The following CACNA2D2 variants were observed in gnomAD, a reference collection of about 807,000 sequenced individuals.
The protein encoded by CACNA2D2 is calcium voltage-gated channel auxiliary subunit alpha2delta 2.
CACNA2D2 carries 48 observed loss-of-function variants against 166.4 expected under a neutral mutation model. That is an observed-to-expected ratio of 0.29 (90% CI 0.23 to 0.37). The LOEUF (loss-of-function observed/expected upper bound fraction) is 0.37. Among genes scored for constraint, CACNA2D2 ranks in the 10% least tolerant of loss-of-function variants. The pLI, the probability that CACNA2D2 is intolerant of heterozygous loss-of-function variation, is 1.00. For missense variants in CACNA2D2, 1,122 were observed against 1,433.0 expected (o/e 0.78, Z 3.50); for synonymous variants, 561 against 573.7 (o/e 0.98, Z 0.32).
intron 2 of CACNA2D2, among the ~76,000 whole-genome samples, chr3:50,448,457 A>T (rs1442445654): frequency 5.3e-5 from 8 of 152,116 alleles, no homozygotes; most frequent in Non-Finnish European, 1.5e-5. Flanking sequence ...GCACATAGGA[A>T]GCGTGATGGT....
At chr3:50,414,332 G>A (rs1419281922) in intron 3 of CACNA2D2, among the ~76,000 whole-genome samples, 1 of 152,110 alleles carries the variant, frequency 6.6e-6, no homozygotes, top group African/African-American at 2.4e-5. Flanking sequence ...CACACAGGGA[G>A]AAAACCACTG....
intron 3 of CACNA2D2, among the ~76,000 whole-genome samples, chr3:50,410,358 G>A (rs1307174849): frequency 2.0e-5 from 3 of 152,236 alleles, no homozygotes; most frequent in Non-Finnish European, 4.4e-5. Context: ...AGAAACCGAG[G>A]CTCTGCAGAA....
chr3:50,405,268 C>T (rs1391942754), intron 3 of CACNA2D2, among the ~76,000 whole-genome samples: 2 of 151,100 alleles, frequency 1.3e-5, no homozygotes, highest in African/African-American at 2.4e-5. Flanking sequence ...AACCTCTAGC[C>T]CCATTGTTGC....
chr3:50,417,989 C>T (rs550400553), intron 3 of CACNA2D2, among the ~76,000 whole-genome samples: 6 of 152,120 alleles, frequency 3.9e-5, no homozygotes, highest in Non-Finnish European at 7.4e-5. Flanking sequence ...GAGGAAGAGC[C>T]ACACATCCCT....
chr3:50,403,356 TA>T (rs951527702), intron 3 of CACNA2D2, among the ~76,000 whole-genome samples: 1 of 152,188 alleles, frequency 6.6e-6, no homozygotes, highest in African/African-American at 2.4e-5. Context: ...AGCTTCTCTC[TA>T]GGGCCTTCTA....
intron 2 of CACNA2D2, among the ~76,000 whole-genome samples, chr3:50,448,925 A>G (rs892088000): frequency 1.3e-5 from 2 of 152,046 alleles, no homozygotes; most frequent in African/African-American, 4.8e-5. Context: ...TCCCTCCTGC[A>G]TGTGGGGGAG....
chr3:50,464,821 C>A (rs895723289), intron 2 of CACNA2D2, among the ~76,000 whole-genome samples: 2 of 152,138 alleles, frequency 1.3e-5, no homozygotes, highest in African/African-American at 4.8e-5. Context: ...AGTGGCTCCT[C>A]GAAGGGAAAA....
chr3:50,395,685 C>T (rs1706115463), intron 3 of CACNA2D2, among the ~76,000 whole-genome samples: 1 of 152,216 alleles, frequency 6.6e-6, no homozygotes, highest in South Asian at 2.1e-4. Flanking sequence ...GCATTTCCTC[C>T]TCTGAAGCAT....
chr3:50,393,420 T>G (rs1259817253), intron 4 of CACNA2D2, among the ~76,000 whole-genome samples: 5 of 152,250 alleles, frequency 3.3e-5, no homozygotes, highest in Non-Finnish European at 7.3e-5. Context: ...TGCCTCCGTC[T>G]GATGCTGGCC....
Position 50,375,137 on chromosome 3 carries a change from C to T in CACNA2D2, c.1908-324G>A, listed in dbSNP as rs1400361108. On this transcript the variant is annotated intron_variant, in intron 21 of 37. Transcript: ENST00000424201. This position sits in a 1 kb window ranked among gnomAD's most constrained non-coding sequence, Gnocchi z 4.0. ...CTGACCCACAAGGGGCAGACGCTGCCGTGAGCTGGCTGCAATGCCAGTGTT... is the reference window on the plus strand; with the variant it reads ...CTGACCCACAAGGGGCAGACGCTGCTGTGAGCTGGCTGCAATGCCAGTGTT... Among the ~76,000 whole-genome samples the T allele has an allele frequency of 3.3e-5, 5 of 152,198 alleles. No homozygotes were observed. The highest frequency in any genetic ancestry group is 2.1e-4 in the South Asian group (1 of 4,830).
upstream of CACNA2D2, among the ~76,000 whole-genome samples, chr3:50,503,883 C>T (rs901624817): frequency 6.6e-6 from 1 of 152,130 alleles, no homozygotes; most frequent in African/African-American, 2.4e-5. Flanking sequence ...GCCCCCACAC[C>T]TCAGACCCTG....
In CACNA2D2 at chr3:50,376,300, G is replaced by T; in HGVS notation, c.1627-112C>A. On this transcript the variant is annotated intron_variant, in intron 17 of 37. Coordinates refer to ENST00000424201, the MANE Select transcript of CACNA2D2 (RefSeq NM_006030.4). The surrounding 1 kb of genome is among the most constrained non-coding windows in gnomAD (Gnocchi z 4.3). ...CCGCACCGAGAGATTCTGTTTGCCT[G>T]CCTTGGGCTAAGGGCCCCCCCATGC... 1 of 1,176,846 alleles carries T rather than the reference G, an allele frequency of 8.5e-7. No individual in the cohort carries two copies. Among genetic ancestry groups the T allele is most frequent in the Non-Finnish European group, 1.2e-6 (1 of 826,652 alleles). 72.9% of individuals were successfully genotyped at this position (1,176,846 alleles called of 1,614,324 possible). A position where few individuals can be genotyped will look rare whatever the true frequency, so the allele number is the denominator to read the frequency against.
intron 1 of CACNA2D2, among the ~76,000 whole-genome samples, chr3:50,478,572 G>C (rs1335618706): frequency 6.6e-6 from 1 of 152,212 alleles, no homozygotes; most frequent in Non-Finnish European, 1.5e-5. Flanking sequence ...GTGCCAGCAT[G>C]TCACCTACTT....
intron 3 of CACNA2D2, among the ~76,000 whole-genome samples, chr3:50,430,353 T>A (rs554700608): frequency 6.6e-6 from 1 of 152,210 alleles, no homozygotes; most frequent in African/African-American, 2.4e-5. Flanking sequence ...GCCTCTCCTC[T>A]GAGCCACACA....
chr3:50,377,945 C>G, intron 15 of CACNA2D2, 63 bp downstream of exon 15: 1 of 1,562,638 alleles, frequency 6.4e-7, no homozygotes, highest in Non-Finnish European at 8.8e-7. Flanking sequence ...GGGTCTTGAC[C>G]CTGTGGGCAC....
chr3:50,443,268 C>G (rs919237931), intron 2 of CACNA2D2, among the ~76,000 whole-genome samples: 1 of 152,254 alleles, frequency 6.6e-6, no homozygotes, highest in African/African-American at 2.4e-5. Context: ...GCCACCCACC[C>G]TGGCTCTGCT....
intron 2 of CACNA2D2, among the ~76,000 whole-genome samples, chr3:50,449,356 G>A (rs539017429): frequency 1.3e-5 from 2 of 152,310 alleles, no homozygotes; most frequent in Admixed American, 1.3e-4. Flanking sequence ...CCAGCTAATG[G>A]GCTGACAAAT....
intron 13 of CACNA2D2, among the ~76,000 whole-genome samples, 165 bp downstream of exon 13, chr3:50,378,750 G>C (rs75017764): frequency 6.6e-6 from 1 of 152,218 alleles, no homozygotes; most frequent in Non-Finnish European, 1.5e-5. Context: ...AGGTGGACCC[G>C]TTAGCCCCCA....
chr3:50,404,669 C>A (rs1706609719), intron 3 of CACNA2D2, among the ~76,000 whole-genome samples: 1 of 152,212 alleles, frequency 6.6e-6, no homozygotes, highest in Non-Finnish European at 1.5e-5. Flanking sequence ...CTCCTTCCTT[C>A]CTGTCAACAC....
Sources: allele counts gnomAD v4.1 joint callset (sites outside exome capture counted in the v4.1 genomes callset), GRCh38; gene constraint gnomAD v4.1.1; non-coding constraint Gnocchi (gnomAD v3.1); transcripts MANE v1.5; gene names NCBI Gene and HGNC (gene_info 2026-07-23, HGNC 2026-07-21).